Variants in HERC5 observed in about 807,000 individuals in gnomAD.
The protein encoded by HERC5 is HECT and RLD domain containing E3 ubiquitin protein ligase 5.
A neutral mutation model predicts 119.6 loss-of-function variants in HERC5; 99 were observed. That is an observed-to-expected ratio of 0.83 (90% CI 0.70 to 0.98). HERC5 has a LOEUF of 0.98. HERC5 is among the 50% of genes least tolerant of loss of function. HERC5 has a pLI of 0.00. For synonymous variants in HERC5, 478 were observed against 445.9 expected (o/e 1.07, Z -0.91); for missense variants, 1,267 against 1,241.3 (o/e 1.02, Z -0.31).
chr4:88,493,605 T>C (rs1206510781), intron 17 of HERC5, among the ~76,000 whole-genome samples: 1 of 151,970 alleles, frequency 6.6e-6, no homozygotes, highest in African/African-American at 2.4e-5. Flanking sequence ...TGTTTGTTTG[T>C]TTTGTTTTGC....
chr4:88,500,072 T>C (rs759051729), intron 19 of HERC5, 80 bp downstream of exon 19: 3 of 872,466 alleles, frequency 3.4e-6, no homozygotes, highest in Non-Finnish European at 5.4e-6. Flanking sequence ...ATGTCAACTT[T>C]TACTTAAAAA....
chr4:88,481,131 C>T (rs1741262997), intron 13 of HERC5, among the ~76,000 whole-genome samples: 1 of 152,170 alleles, frequency 6.6e-6, no homozygotes, highest in African/African-American at 2.4e-5. Flanking sequence ...CGGCTCACTG[C>T]AACCTCTGCC....
At chr4:88,486,281 G>T in intron 14 of HERC5, 53 bp downstream of exon 14, 1 of 1,089,070 alleles carries the variant, frequency 9.2e-7, no homozygotes, top group Non-Finnish European at 1.4e-6. Context: ...GTTAATACAG[G>T]CATTTCTTGT....
rs564769867 is a variant in HERC5, at chr4:88,490,753, G to T, written c.2133+1417G>T. On this transcript the variant is annotated intron_variant, in intron 16 of 22. Coordinates refer to ENST00000264350, the MANE Select transcript of HERC5 (RefSeq NM_016323.4). ...CAGCTGCTTGGGAGGCTGAGGCAGT[G>T]AGAATCTCTTGAACCCAGGAGGTGG... is the stretch of plus-strand genomic sequence containing the variant. Among the ~76,000 whole-genome samples, 9 of 152,214 alleles carry T rather than the reference G, an allele frequency of 5.9e-5. No homozygotes were observed. In the East Asian group the frequency reaches 1.5e-3, roughly 26 times the overall value.
intron 16 of HERC5, among the ~76,000 whole-genome samples, chr4:88,491,482 A>G (rs1741638142): frequency 6.6e-6 from 1 of 152,232 alleles, no homozygotes; most frequent in Non-Finnish European, 1.5e-5. Flanking sequence ...TTAAGCCAGC[A>G]GGAAAAAGAA....
intron 19 of HERC5, 128 bp from the exon 20 acceptor site, chr4:88,500,787 A>G: frequency 2.8e-6 from 2 of 711,514 alleles, no homozygotes; most frequent in Non-Finnish European, 4.6e-6. Flanking sequence ...ATTCCTTGCT[A>G]GCTTTTATGA....
At chr4:88,504,818 C>T (rs1742060570) in intron 22 of HERC5, among the ~76,000 whole-genome samples, 1 of 152,110 alleles carries the variant, frequency 6.6e-6, no homozygotes, top group African/African-American at 2.4e-5. Flanking sequence ...TTAAAGTTTT[C>T]GTTTCTTCAT....
At chr4:88,500,781 C>A in intron 19 of HERC5, 134 bp from the exon 20 acceptor site, 1 of 681,994 alleles carries the variant, frequency 1.5e-6, no homozygotes, top group South Asian at 2.1e-5. Context: ...TTGTACATTC[C>A]TTGCTAGCTT....
intron 15 of HERC5, 72 bp from the exon 16 acceptor site, chr4:88,489,094 G>T: frequency 7.6e-7 from 1 of 1,322,386 alleles, no homozygotes; most frequent in Non-Finnish European, 1.1e-6. Context: ...AGTTTATTCT[G>T]CTTTCCAAAT....
At chr4:88,470,814 CT>C (rs1325716888) in intron 10 of HERC5, 141 bp downstream of exon 10, 40 of 433,856 alleles carry the variant, frequency 9.2e-5, no homozygotes, top group Middle Eastern at 1.3e-3. Flanking sequence ...TATATGTTTG[CT>C]GTAGAAAATG....
At chr4:88,477,830 A>G (rs1472700325) in intron 12 of HERC5, among the ~76,000 whole-genome samples, 2 of 152,254 alleles carry the variant, frequency 1.3e-5, no homozygotes, top group East Asian at 1.9e-4. Flanking sequence ...GGATAACATG[A>G]TAAGTGATGA....
chr4:88,457,467 G>C lies in HERC5; in HGVS notation c.198G>C (p.Leu66Phe). Reference sequence around the variant, plus strand: ...GCTCGCCGGGGCGCCTCGCGGTCTTGGAACGCGGCGGGGCGGGCGTCCAGG... The same window carrying C: ...GCTCGCCGGGGCGCCTCGCGGTCTTCGAACGCGGCGGGGCGGGCGTCCAGG... ...LCCSPGRLAV[L>F]ERGGAGVQVH... Residue 66 changes from leucine to phenylalanine, a missense_variant, in exon 1 of 23, where the codon TTG (leucine) becomes TTC (phenylalanine). Physicochemically the swap from Leu to Phe is conservative, Grantham distance 22. Around this residue, in one of 3 missense-constraint regions of HERC5, gnomAD observed 777 missense variants for 758.0 expected, o/e 1.03. Coordinates refer to ENST00000264350, the MANE Select transcript of HERC5 (RefSeq NM_016323.4). 1 of 1,332,588 alleles carries C rather than the reference G, an allele frequency of 7.5e-7. No homozygotes were observed. The highest frequency in any genetic ancestry group is 2.1e-5 in the South Asian group (1 of 47,998). The allele number at this position is 1,332,588 out of a possible 1,614,324, so 82.5% of individuals were successfully genotyped here.
At chr4:88,501,990 G>GTAGAGTAGTAACAC in intron 20 of HERC5, among the ~76,000 whole-genome samples, 1 of 152,268 alleles carries the variant, frequency 6.6e-6, no homozygotes, top group African/African-American at 2.4e-5. Flanking sequence ...AGTAGAGACA[G>GTAGAGTAGTAACAC]GGTTTCACCG....
At chr4:88,494,397 A>C in intron 18 of HERC5, 66 bp downstream of exon 18, 1 of 1,284,652 alleles carries the variant, frequency 7.8e-7, no homozygotes, top group African/African-American at 1.5e-5. Context: ...ATTTAAGTAC[A>C]CACGCTTCAT....
chr4:88,477,884 A>G (rs1004740073), intron 12 of HERC5, among the ~76,000 whole-genome samples: 2 of 152,254 alleles, frequency 1.3e-5, no homozygotes, highest in Admixed American at 1.3e-4. Context: ...ATGCTGAAAT[A>G]TGTTTTCTGT....
rs200500673 is a variant in HERC5 at position 88,463,661 on chromosome 4, G to T, written c.780+38G>T. 1.9e-6 allele frequency: 3 copies of T among 1,558,890 alleles called. 1 individual carries two copies. Among genetic ancestry groups the T allele is most frequent in the Middle Eastern group, 3.4e-4 (2 of 5,850 alleles). On this transcript the variant is annotated intron_variant, in intron 5 of 22. Transcript: ENST00000264350. ...TTGTCTCTTTTTGGCTGTATTTTTA[G>T]AAGAACAGTTTGTATGGGAAGTTAG...
At chr4:88,477,779 T>G (rs1285316382) in intron 12 of HERC5, among the ~76,000 whole-genome samples, 1 of 152,182 alleles carries the variant, frequency 6.6e-6, no homozygotes, top group Non-Finnish European at 1.5e-5. Context: ...ACATAGCATA[T>G]TCAGCTCAAG....
At chr4:88,470,967 G>GT (rs1207710830) in intron 10 of HERC5, among the ~76,000 whole-genome samples, 2 of 150,202 alleles carry the variant, frequency 1.3e-5, no homozygotes, top group Admixed American at 6.6e-5. Context: ...CTGGTTCTTT[G>GT]TTTTTTTCTT....
At chr4:88,482,906 C>T (rs1473862315) in intron 13 of HERC5, among the ~76,000 whole-genome samples, 1 of 152,138 alleles carries the variant, frequency 6.6e-6, no homozygotes, top group African/African-American at 2.4e-5. Flanking sequence ...GCTGGGATTA[C>T]AGGTGTGAGC....
Sources: allele counts gnomAD v4.1 joint callset (sites outside exome capture counted in the v4.1 genomes callset), GRCh38; gene constraint gnomAD v4.1.1; regional missense constraint gnomAD v4.1.1; transcripts MANE v1.5; gene names NCBI Gene and HGNC (gene_info 2026-07-23, HGNC 2026-07-21).